Variants in MSRB3 observed in about 807,000 individuals in gnomAD.
The protein encoded by MSRB3 is methionine-R-sulfoxide reductase B3.
A neutral mutation model predicts 21.0 loss-of-function variants in MSRB3; 13 were observed. The ratio of observed to expected loss-of-function variants is 0.62; its 90% CI spans 0.40 to 0.98. MSRB3 has a LOEUF of 0.98. Ranked by LOEUF, MSRB3 falls within the 50% of genes least tolerant of loss-of-function variation. The probability of loss-of-function intolerance (pLI) is 0.00; values close to 1 mark genes in which losing one functional copy is unlikely to be tolerated. For missense variants in MSRB3, 199 were observed against 230.3 expected (o/e 0.86, Z 0.88); for synonymous variants, 87 against 88.6 (o/e 0.98, Z 0.10).
chr12:65,380,399 A>G (rs1878874265), intron 5 of MSRB3, among the ~76,000 whole-genome samples: 1 of 152,078 alleles, frequency 6.6e-6, no homozygotes, highest in Non-Finnish European at 1.5e-5. Context: ...AACATGGTGA[A>G]AACCCATCTC....
At chr12:65,298,522 A>G (rs896290529) in intron 1 of MSRB3, among the ~76,000 whole-genome samples, 6 of 152,214 alleles carry the variant, frequency 3.9e-5, no homozygotes, top group Non-Finnish European at 5.9e-5. Flanking sequence ...CTACTTTATG[A>G]TCTCATTCAG....
At chr12:65,338,291 G>C (rs997109226) in intron 4 of MSRB3, among the ~76,000 whole-genome samples, 2 of 152,172 alleles carry the variant, frequency 1.3e-5, no homozygotes, top group African/African-American at 4.8e-5. Context: ...GGGAAGGGAC[G>C]TTTGGTAGCA....
chr12:65,303,952 G>A (rs1237815666), intron 1 of MSRB3, among the ~76,000 whole-genome samples: 1 of 152,158 alleles, frequency 6.6e-6, no homozygotes, highest in African/African-American at 2.4e-5. Flanking sequence ...GTGGGGTGCG[G>A]TGGGTTGTAG....
chr12:65,288,774 A>G (rs1872527231), intron 1 of MSRB3, among the ~76,000 whole-genome samples: 1 of 152,150 alleles, frequency 6.6e-6, no homozygotes, highest in Admixed American at 6.5e-5. Context: ...CCTATTAAAT[A>G]TATTTAACTC....
At chr12:65,308,768 C>G in intron 2 of MSRB3, 113 bp downstream of exon 2, 1 of 1,479,768 alleles carries the variant, frequency 6.8e-7, no homozygotes, top group Non-Finnish European at 9.3e-7. Flanking sequence ...TTTACTTGGG[C>G]CCTAATTTGA....
In MSRB3 at chr12:65,278,949, G is replaced by A. The variant is rs1475876245; in HGVS notation, c.-52+84G>A. On this transcript the variant is annotated intron_variant, in intron 1 of 6. Coordinates refer to ENST00000308259, the MANE Select transcript of MSRB3 (RefSeq NM_001031679.3). ...CCACGTTAGGGTGTGACCCCGAGCC[G>A]GGATTCCATTCTGCGCCTGCTGCGC... 1.0e-4 allele frequency: 152 copies of A among 1,485,098 alleles called. 3 individuals are homozygous for A. In the East Asian group the frequency reaches 3.9e-3, roughly 38 times the overall value. The allele number at this position is 1,485,098 out of a possible 1,614,324, so 92.0% of individuals were successfully genotyped here.
intron 5 of MSRB3, among the ~76,000 whole-genome samples, chr12:65,391,281 T>A (rs1391416071): frequency 6.6e-6 from 1 of 152,158 alleles, no homozygotes; most frequent in Non-Finnish European, 1.5e-5. Flanking sequence ...AATGGGTAGA[T>A]TGTCTCATAA....
At chr12:65,349,600 T>G (rs1592550954) in intron 4 of MSRB3, among the ~76,000 whole-genome samples, 4 of 147,436 alleles carry the variant, frequency 2.7e-5, no homozygotes, top group African/African-American at 1.1e-4. Context: ...TGATTGCCAT[T>G]CTAACTGGTG....
chr12:65,392,146 G>A (rs1879515962), intron 5 of MSRB3, among the ~76,000 whole-genome samples: 1 of 152,060 alleles, frequency 6.6e-6, no homozygotes, highest in Non-Finnish European at 1.5e-5. Flanking sequence ...AAACAGAGGT[G>A]CCTGGGCCCA....
At chr12:65,335,896 C>T (rs993232591) in intron 4 of MSRB3, among the ~76,000 whole-genome samples, 4 of 152,132 alleles carry the variant, frequency 2.6e-5, no homozygotes, top group Non-Finnish European at 4.4e-5. Context: ...TTTGAATTGC[C>T]TCTCACCTTA....
At chr12:65,346,780 A>G (rs1876542694) in intron 4 of MSRB3, among the ~76,000 whole-genome samples, 1 of 152,086 alleles carries the variant, frequency 6.6e-6, no homozygotes, top group Non-Finnish European at 1.5e-5. Context: ...TAAGGAAGGG[A>G]TCCAGTTTCA....
chr12:65,372,502 A>G (rs11611334), intron 5 of MSRB3, among the ~76,000 whole-genome samples: 27,017 of 152,178 alleles, frequency 0.18, 2,930 homozygotes, highest in Admixed American at 0.25. Flanking sequence ...TCCATTTTAT[A>G]CCTTTTCCTA....
intron 4 of MSRB3, among the ~76,000 whole-genome samples, chr12:65,358,085 G>T (rs2136511220): frequency 6.6e-6 from 1 of 151,832 alleles, no homozygotes; most frequent in African/African-American, 2.4e-5. Flanking sequence ...AGCGAGAGAA[G>T]TCTCTTTTTC....
chr12:65,368,154 A>C lies in MSRB3; in HGVS notation c.264-844A>C. 1.3e-5 allele frequency among the ~76,000 whole-genome samples: 2 copies of C among 152,118 alleles called. 1 individual carries two copies. The highest frequency in any genetic ancestry group is 1.3e-4 in the Admixed American group (2 of 15,272). ...TCTCCTTTCCCACTTAGTTAACTAC[A>C]TTTCTCCAGGAAAAAAAAGTCTTGT... is the stretch of plus-strand genomic sequence containing the variant. On this transcript the variant is annotated intron_variant, in intron 4 of 6. Coordinates refer to ENST00000308259, the MANE Select transcript of MSRB3 (RefSeq NM_001031679.3).
intron 5 of MSRB3, among the ~76,000 whole-genome samples, chr12:65,452,646 T>C (rs1882906185): frequency 6.6e-6 from 1 of 152,170 alleles, no homozygotes; most frequent in Non-Finnish European, 1.5e-5. Flanking sequence ...ATCAATACTA[T>C]ACTCTTGCAT....
intron 5 of MSRB3, among the ~76,000 whole-genome samples, chr12:65,450,053 C>T (rs1441638065): frequency 6.6e-6 from 1 of 151,912 alleles, no homozygotes; most frequent in East Asian, 1.9e-4. Flanking sequence ...CTCAAGTAGA[C>T]TTGAAACAGA....
At chr12:65,301,069 G>A (rs1365005088) in intron 1 of MSRB3, among the ~76,000 whole-genome samples, 1 of 151,974 alleles carries the variant, frequency 6.6e-6, no homozygotes, top group Non-Finnish European at 1.5e-5. Context: ...GTTGATGTGA[G>A]GATTAAATGA....
intron 3 of MSRB3, 46 bp downstream of exon 3, chr12:65,326,980 T>TC: frequency 7.1e-7 from 1 of 1,405,436 alleles, no homozygotes; most frequent in South Asian, 1.2e-5. Flanking sequence ...AGATTTCTTC[T>TC]CCCCCTGCCC....
chr12:65,408,382 C>T (rs140861966), intron 5 of MSRB3, among the ~76,000 whole-genome samples: 196 of 152,232 alleles, frequency 1.3e-3, no homozygotes, highest in Middle Eastern at 6.8e-3. Flanking sequence ...CGTGAGCCAC[C>T]GGCCTTATCT....
Sources: allele counts gnomAD v4.1 joint callset (sites outside exome capture counted in the v4.1 genomes callset), GRCh38; gene constraint gnomAD v4.1.1; transcripts MANE v1.5; gene names NCBI Gene and HGNC (gene_info 2026-07-23, HGNC 2026-07-21).